VSNL1: variants seen among roughly 807,000 people sequenced by gnomAD.
VSNL1 encodes the protein visinin-like protein 1.
VSNL1 carries 6 observed loss-of-function variants against 20.4 expected under a neutral mutation model. The ratio of observed to expected loss-of-function variants is 0.29; its 90% CI spans 0.16 to 0.58. VSNL1 has a LOEUF of 0.58. Among genes scored for constraint, VSNL1 ranks in the 20% least tolerant of loss-of-function variants. The probability of loss-of-function intolerance (pLI) is 0.90; values close to 1 mark genes in which losing one functional copy is unlikely to be tolerated. For synonymous variants in VSNL1, 93 were observed against 86.4 expected (o/e 1.08, Z -0.42); for missense variants, 100 against 234.5 (o/e 0.43, Z 3.75).
intron 2 of VSNL1, among the ~76,000 whole-genome samples, chr2:17,621,920 C>T (rs1241466234): frequency 6.6e-6 from 1 of 152,136 alleles, no homozygotes; most frequent in Non-Finnish European, 1.5e-5. Context: ...TGAGCCACCG[C>T]ACCCAGCCAA....
At chr2:17,654,178 C>G (rs1666177577) in intron 3 of VSNL1, among the ~76,000 whole-genome samples, 1 of 152,126 alleles carries the variant, frequency 6.6e-6, no homozygotes, top group Non-Finnish European at 1.5e-5. Flanking sequence ...TCATGCAAGT[C>G]TTTGTATAGA....
intron 1 of VSNL1, 22 bp downstream of exon 1, chr2:17,540,940 C>T (rs2103330650): frequency 6.6e-6 from 1 of 152,370 alleles, no homozygotes; most frequent in African/African-American, 2.4e-5. Context: ...ATACAATCTT[C>T]GTTGCATTTC....
intron 1 of VSNL1, among the ~76,000 whole-genome samples, chr2:17,549,476 A>T (rs1232899610): frequency 6.6e-6 from 1 of 152,244 alleles, no homozygotes; most frequent in East Asian, 1.9e-4. Context: ...CAAAATATTT[A>T]AGAGTAATAG....
intron 2 of VSNL1, among the ~76,000 whole-genome samples, chr2:17,594,905 T>G (rs1436483440): frequency 6.6e-6 from 1 of 152,174 alleles, no homozygotes; most frequent in African/African-American, 2.4e-5. Flanking sequence ...TTAAAAGCAT[T>G]TAAAACTGAG....
chr2:17,608,027 C>T (rs1015833944), intron 2 of VSNL1, among the ~76,000 whole-genome samples: 9 of 152,154 alleles, frequency 5.9e-5, no homozygotes, highest in Non-Finnish European at 1.2e-4. Flanking sequence ...CAATGAACTT[C>T]CTTAAATACT....
At chr2:17,591,579 G>A (rs1664594426) in intron 1 of VSNL1, among the ~76,000 whole-genome samples, 1 of 152,058 alleles carries the variant, frequency 6.6e-6, no homozygotes, top group South Asian at 2.1e-4. Flanking sequence ...CAGACCAACT[G>A]AGACTCCTTA....
chr2:17,581,782 A>G (rs886837088), intron 1 of VSNL1, among the ~76,000 whole-genome samples: 1 of 152,168 alleles, frequency 6.6e-6, no homozygotes, highest in Non-Finnish European at 1.5e-5. Flanking sequence ...TTATCGCTCA[A>G]CTGATAAGCT....
At chr2:17,609,335 T>C (rs1665027459) in intron 2 of VSNL1, among the ~76,000 whole-genome samples, 1 of 152,178 alleles carries the variant, frequency 6.6e-6, no homozygotes, top group Non-Finnish European at 1.5e-5. Flanking sequence ...CTTCAGCCTA[T>C]GTCCAAGACC....
intron 1 of VSNL1, among the ~76,000 whole-genome samples, chr2:17,566,143 T>C (rs1663934455): frequency 6.6e-6 from 1 of 152,234 alleles, no homozygotes; most frequent in Admixed American, 6.5e-5. Flanking sequence ...CATGCAACTA[T>C]ATCTTGTTAT....
At chr2:17,541,086 T>A (rs774565917) in intron 1 of VSNL1, 168 bp downstream of exon 1, 2 of 119,266 alleles carry the variant, frequency 1.7e-5, no homozygotes, top group Non-Finnish European at 3.3e-5. Flanking sequence ...TCTTAGTCCA[T>A]GGGGGATCTT....
chr2:17,569,633 A>G lies in VSNL1; in HGVS notation c.-5-22437A>G, dbSNP rs146842517. Among the ~76,000 whole-genome samples the G allele has an allele frequency of 3.3e-3, 508 of 152,256 alleles. 3 individuals carry two copies. Among genetic ancestry groups the G allele is most frequent in the African/African-American group, 9.5e-3 (396 of 41,564 alleles). On this transcript the variant is annotated intron_variant, in intron 1 of 3. Coordinates refer to ENST00000295156, the MANE Select transcript of VSNL1 (RefSeq NM_003385.5). ...ACTGTGCTCCATTCCAGATAATTTC[A>G]TTAGAACTAACTTCCAATTTACTCT...
chr2:17,553,386 C>T (rs1298806229), intron 1 of VSNL1, among the ~76,000 whole-genome samples: 1 of 152,130 alleles, frequency 6.6e-6, no homozygotes. Flanking sequence ...TCTTTAACTT[C>T]ATACCGATTA....
At chr2:17,592,632 C>CTT (rs1281748970) in intron 2 of VSNL1, among the ~76,000 whole-genome samples, 7 of 91,882 alleles carry the variant, frequency 7.6e-5, no homozygotes, top group African/African-American at 3.3e-4. Flanking sequence ...CTTTTTCTCT[C>CTT]TCTCTCTCTT....
intron 2 of VSNL1, among the ~76,000 whole-genome samples, chr2:17,621,416 G>A (rs923154735): frequency 1.3e-5 from 2 of 151,756 alleles, no homozygotes; most frequent in Admixed American, 6.6e-5. Context: ...TCTACCTCCC[G>A]GGTTCAAGCA....
intron 1 of VSNL1, among the ~76,000 whole-genome samples, chr2:17,560,078 C>A (rs1054958774): frequency 6.6e-6 from 1 of 151,488 alleles, no homozygotes; most frequent in African/African-American, 2.4e-5. Context: ...TGTTCAGTAG[C>A]AACCAAGGTA....
At chr2:17,613,034 C>T (rs182836818) in intron 2 of VSNL1, among the ~76,000 whole-genome samples, 8 of 152,274 alleles carry the variant, frequency 5.3e-5, no homozygotes, top group Admixed American at 3.9e-4. Context: ...CCCTTAACTC[C>T]CTAGGCCATC....
At chr2:17,599,713 C>T (rs187759878) in intron 2 of VSNL1, among the ~76,000 whole-genome samples, 4 of 152,296 alleles carry the variant, frequency 2.6e-5, no homozygotes, top group Non-Finnish European at 5.9e-5. Flanking sequence ...CCTATGAAAT[C>T]GATCTTAGAG....
intron 1 of VSNL1, among the ~76,000 whole-genome samples, chr2:17,548,509 T>G (rs1319060083): frequency 6.6e-6 from 1 of 152,172 alleles, no homozygotes; most frequent in Non-Finnish European, 1.5e-5. Context: ...ATTTTCTCAC[T>G]GGTGAAAATA....
intron 2 of VSNL1, among the ~76,000 whole-genome samples, chr2:17,623,599 GGCGGAGCTT>G (rs1461544129): frequency 6.7e-6 from 1 of 148,866 alleles, no homozygotes; most frequent in Non-Finnish European, 1.5e-5. Flanking sequence ...GAACCTGGGA[GGCGGAGCTT>G]GCAGTGAGCC....
Sources: gnomAD v4.1 joint callset for allele counts (sites outside exome capture counted in the v4.1 genomes callset) on GRCh38, gnomAD v4.1.1 for gene constraint, MANE v1.5 for transcripts, NCBI Gene and HGNC (gene_info 2026-07-23, HGNC 2026-07-21) for gene names.